Variants in CLDN10 observed in about 807,000 individuals in gnomAD.
CLDN10 encodes the protein claudin-10.
In CLDN10, 15 loss-of-function variants were observed where a neutral mutation model predicts 22.9. The observed-to-expected ratio is 0.65, with a 90% CI of 0.44 to 1.01. CLDN10 has a LOEUF of 1.01. CLDN10 is among the 50% of genes least tolerant of loss of function. The pLI, the probability that CLDN10 is intolerant of heterozygous loss-of-function variation, is 0.00. For synonymous variants in CLDN10, 114 were observed against 111.4 expected, an observed-to-expected ratio of 1.02 and a Z score of -0.15; for missense variants, 247 against 287.8, an observed-to-expected ratio of 0.86 and a Z score of 1.03.
At chr13:95,497,328 C>T (rs2042939946) in intron 1 of CLDN10, among the ~76,000 whole-genome samples, 1 of 152,000 alleles carries the variant, frequency 6.6e-6, no homozygotes. Context: ...TCTTAGAGGA[C>T]AATATAGCAT....
At chr13:95,519,971 A>G (rs1289405076) in intron 1 of CLDN10, among the ~76,000 whole-genome samples, 2 of 152,034 alleles carry the variant, frequency 1.3e-5, no homozygotes, top group African/African-American at 4.8e-5. Context: ...AGAGTTGCTC[A>G]TGCAATCAAA....
intron 1 of CLDN10, among the ~76,000 whole-genome samples, chr13:95,476,005 C>A (rs766287638): frequency 6.6e-6 from 1 of 152,148 alleles, no homozygotes; most frequent in Admixed American, 6.6e-5. Context: ...TCTAATTCCA[C>A]CCCCATCGCC....
At chr13:95,504,044 T>C (rs1179252423) in intron 1 of CLDN10, among the ~76,000 whole-genome samples, 1 of 152,220 alleles carries the variant, frequency 6.6e-6, no homozygotes, top group Admixed American at 6.5e-5. Flanking sequence ...GGATACTACA[T>C]GGAATTACAG....
At chr13:95,436,929 C>G (rs2042278417) in intron 1 of CLDN10, among the ~76,000 whole-genome samples, 1 of 152,098 alleles carries the variant, frequency 6.6e-6, no homozygotes, top group Non-Finnish European at 1.5e-5. Flanking sequence ...GTTATATCAC[C>G]TTTTAAAATA....
intron 1 of CLDN10, among the ~76,000 whole-genome samples, chr13:95,468,137 C>G (rs1045835272): frequency 7.9e-5 from 12 of 152,180 alleles, no homozygotes; most frequent in African/African-American, 2.7e-4. Flanking sequence ...AGTTGACACA[C>G]AAAATTTACT....
At chr13:95,526,590 C>T (rs1351202295) in intron 1 of CLDN10, among the ~76,000 whole-genome samples, 9 of 152,016 alleles carry the variant, frequency 5.9e-5, no homozygotes, top group Admixed American at 5.9e-4. Context: ...CAAGAAGGGA[C>T]CAGCCTGGAC....
At chr13:95,484,725 G>A (rs1362218403) in intron 1 of CLDN10, among the ~76,000 whole-genome samples, 1 of 151,360 alleles carries the variant, frequency 6.6e-6, no homozygotes, top group African/African-American at 2.4e-5. Context: ...AATTAGCCAG[G>A]TGTGGTGGCA....
intron 3 of CLDN10, among the ~76,000 whole-genome samples, chr13:95,575,164 G>C (rs1319478146): frequency 4.6e-5 from 7 of 152,112 alleles, no homozygotes; most frequent in African/African-American, 1.7e-4. Flanking sequence ...GTAATATTAA[G>C]GTATAGTTTC....
intron 1 of CLDN10, among the ~76,000 whole-genome samples, chr13:95,529,373 T>C (rs531061194): frequency 7.9e-6 from 1 of 126,602 alleles, no homozygotes; most frequent in African/African-American, 3.0e-5. Context: ...CTAATTAAAG[T>C]GAATAAACAC....
intron 1 of CLDN10, among the ~76,000 whole-genome samples, chr13:95,447,747 G>A (rs2042394655): frequency 8.9e-6 from 1 of 112,110 alleles, no homozygotes; most frequent in South Asian, 3.2e-4. Context: ...ACATGCGTGT[G>A]TGTGTGTGTG....
At chr13:95,538,153 C>CTTTTTTTTTTT (rs1176533524) in intron 1 of CLDN10, among the ~76,000 whole-genome samples, 7 of 66,802 alleles carry the variant, frequency 1.0e-4, no homozygotes, top group African/African-American at 1.8e-4. Flanking sequence ...CTGTTTATTT[C>CTTTTTTTTTTT]TTTTTTTTTT....
intron 1 of CLDN10, among the ~76,000 whole-genome samples, chr13:95,545,662 A>C (rs2043500860): frequency 6.6e-6 from 1 of 152,228 alleles, no homozygotes; most frequent in Non-Finnish European, 1.5e-5. Flanking sequence ...TATATACCTT[A>C]GTTTGATGTC....
At chr13:95,538,767 CTGCTG>C (rs1358075640) in intron 1 of CLDN10, among the ~76,000 whole-genome samples, 2 of 152,224 alleles carry the variant, frequency 1.3e-5, no homozygotes, top group Non-Finnish European at 2.9e-5. Flanking sequence ...CACCGTTGTC[CTGCTG>C]TACCCGCTTA....
chr13:95,558,215 C>G (rs1374332713), intron 1 of CLDN10, among the ~76,000 whole-genome samples: 1 of 152,214 alleles, frequency 6.6e-6, no homozygotes, highest in Non-Finnish European at 1.5e-5. Context: ...GTTATCCTCA[C>G]AGGCTCTCTT....
At chr13:95,466,456 AC>A (rs987917938) in intron 1 of CLDN10, among the ~76,000 whole-genome samples, 7 of 152,292 alleles carry the variant, frequency 4.6e-5, no homozygotes, top group African/African-American at 1.7e-4. Flanking sequence ...GGCAGTGAGA[AC>A]CCATTGGAGC....
upstream of CLDN10, chr13:95,552,618 C>A (rs572904890): frequency 1.2e-3 from 1,436 of 1,157,082 alleles, 7 homozygotes; most frequent in Non-Finnish European, 1.5e-3. Context: ...CCCCCTGGCG[C>A]CGGGTCCGCT....
chr13:95,560,322 T>C (rs1229313462), intron 2 of CLDN10, 29 bp downstream of exon 2: 2 of 1,613,574 alleles, frequency 1.2e-6, no homozygotes, highest in African/African-American at 2.7e-5. Flanking sequence ...CCAAACAAGG[T>C]ACTTGATGAT....
chr13:95,574,731 C>T (rs560278076), intron 3 of CLDN10, among the ~76,000 whole-genome samples: 2 of 152,216 alleles, frequency 1.3e-5, no homozygotes, highest in Admixed American at 1.3e-4. Context: ...GATTGCACCA[C>T]TGCACTCCAG....
chr13:95,521,016 T>A (rs950453146), intron 1 of CLDN10, among the ~76,000 whole-genome samples: 5 of 152,158 alleles, frequency 3.3e-5, no homozygotes, highest in Admixed American at 6.5e-5. Context: ...TTCAATTAAT[T>A]TTTATATGTT....
Sources: gnomAD v4.1 joint callset for allele counts (sites outside exome capture counted in the v4.1 genomes callset) on GRCh38, gnomAD v4.1.1 for gene constraint, MANE v1.5 for transcripts, NCBI Gene and HGNC (gene_info 2026-07-23, HGNC 2026-07-21) for gene names.